The following KIF13B variants were observed in gnomAD, a reference collection of about 807,000 sequenced individuals.
KIF13B encodes kinesin family member 13B, also known as kinesin-like protein KIF13B.
In KIF13B, 127 loss-of-function variants were observed where a neutral mutation model predicts 222.0. The ratio of observed to expected loss-of-function variants is 0.57; its 90% CI spans 0.50 to 0.66. The LOEUF (loss-of-function observed/expected upper bound fraction) is 0.66, where lower values mean the gene tolerates loss of function less well. KIF13B is among the 30% of genes least tolerant of loss of function. The probability of loss-of-function intolerance (pLI) is 0.00; values close to 1 mark genes in which losing one functional copy is unlikely to be tolerated. For missense variants in KIF13B, 2,173 were observed against 2,379.0 expected, an observed-to-expected ratio of 0.91 and a Z score of 1.80; for synonymous variants, 976 against 919.0, an observed-to-expected ratio of 1.06 and a Z score of -1.12.
rs898779165 is a variant in KIF13B, at chr8:29,123,567, G to A, written c.3353-75C>T. The A allele has an allele frequency of 6.4e-6, 10 of 1,567,908 alleles. No homozygotes were observed. The South Asian group carries it at 6.7e-5, about 11-fold the overall frequency. On this transcript the variant is annotated intron_variant, in intron 27 of 39. Transcript: ENST00000524189. The stretch of plus-strand genomic sequence containing the variant: ...ATCTTTTTGTCCTGAGTAAAGACTG[G>A]ATTTGCCTATATTTCAATTATTAGC...
intron 37 of KIF13B, among the ~76,000 whole-genome samples, chr8:29,089,614 C>T (rs1244635384): frequency 6.6e-6 from 1 of 151,966 alleles, no homozygotes; most frequent in Non-Finnish European, 1.5e-5. Context: ...CAGAAATGGG[C>T]CAGGTGTGGT....
intron 2 of KIF13B, among the ~76,000 whole-genome samples, chr8:29,223,923 C>T (rs1814887834): frequency 6.6e-6 from 1 of 151,600 alleles, no homozygotes; most frequent in Non-Finnish European, 1.5e-5. Context: ...GATCTCCTGA[C>T]CTTGTGATCC....
At chr8:29,213,630 C>T (rs900682543) in intron 2 of KIF13B, among the ~76,000 whole-genome samples, 7 of 152,112 alleles carry the variant, frequency 4.6e-5, no homozygotes, top group Admixed American at 3.3e-4. Flanking sequence ...AACTGTAACA[C>T]AATAGTAGGC....
At chr8:29,081,024 G>T (rs1429674855) in intron 37 of KIF13B, among the ~76,000 whole-genome samples, 1 of 152,228 alleles carries the variant, frequency 6.6e-6, no homozygotes, top group Non-Finnish European at 1.5e-5. Context: ...CCTTGCAGCT[G>T]CCAGGGTTTC....
intron 12 of KIF13B, among the ~76,000 whole-genome samples, chr8:29,164,398 C>T (rs977570882): frequency 2.6e-5 from 4 of 152,170 alleles, no homozygotes; most frequent in Non-Finnish European, 4.4e-5. Flanking sequence ...AGAGAGATGA[C>T]TTTAAATAGA....
rs1809997840 is a variant in KIF13B at position 29,124,048 on chromosome 8, A to G, written c.3328T>C (p.Leu1110=). The G allele has an allele frequency of 2.5e-6, 4 of 1,611,542 alleles. No homozygotes were observed. The highest frequency in any genetic ancestry group is 3.4e-6 in the Non-Finnish European group (4 of 1,177,958). Residue 1110 remains leucine (L), a synonymous_variant, in exon 27 of 40, where the codon TTG becomes CTG. Coordinates refer to ENST00000524189, the MANE Select transcript of KIF13B (RefSeq NM_015254.4). The part of the protein sequence containing the change: ...TKRQEYLDQQ[L]QKLVSKRDKT... ...CCACGTTTACTGACAAGCTTTTGCA[A>G]TTGTTGATCCAAGTACTCCTGACGT...
intron 29 of KIF13B, among the ~76,000 whole-genome samples, chr8:29,121,921 C>T (rs536362854): frequency 6.9e-4 from 105 of 152,202 alleles, no homozygotes; most frequent in Admixed American, 1.2e-3. Flanking sequence ...ATAAGTATCG[C>T]TAGTTATTTG....
chr8:29,175,925 T>C (rs1643566315), intron 10 of KIF13B, 143 bp downstream of exon 10: 1 of 645,404 alleles, frequency 1.5e-6, no homozygotes, highest in Non-Finnish European at 2.7e-6. Context: ...ATCAAAAATG[T>C]CATTACCATA....
At position 29,261,422 on chromosome 8, in the gene KIF13B, G is replaced by A. The variant is rs140432859; in HGVS notation, c.55+1558C>T. ...TCTGAGATGTCTTTTGTGGTGGTTGGTTAGCGGCCTCTTTTTAGCACTGAC... is the reference window on the plus strand; with the variant it reads ...TCTGAGATGTCTTTTGTGGTGGTTGATTAGCGGCCTCTTTTTAGCACTGAC... On this transcript the variant is annotated intron_variant, in intron 1 of 39. Coordinates refer to ENST00000524189, the MANE Select transcript of KIF13B (RefSeq NM_015254.4). Among the ~76,000 whole-genome samples the A allele has an allele frequency of 4.9e-3, 743 of 152,306 alleles. 2 individuals are homozygous for A. The highest frequency in any genetic ancestry group is 8.6e-3 in the Non-Finnish European group (588 of 68,024).
At chr8:29,131,250 A>G (rs1291429123) in intron 23 of KIF13B, among the ~76,000 whole-genome samples, 1 of 151,852 alleles carries the variant, frequency 6.6e-6, no homozygotes, top group African/African-American at 2.4e-5. Flanking sequence ...GACAGGATCA[A>G]TCACACCCCA....
intron 32 of KIF13B, among the ~76,000 whole-genome samples, chr8:29,112,066 C>T (rs1291219305): frequency 2.0e-5 from 3 of 152,336 alleles, no homozygotes; most frequent in Non-Finnish European, 4.4e-5. Context: ...GAACTAGTTA[C>T]TATCCAACAT....
intron 26 of KIF13B, among the ~76,000 whole-genome samples, chr8:29,124,654 C>T (rs1810028683): frequency 6.6e-6 from 1 of 152,066 alleles, no homozygotes; most frequent in African/African-American, 2.4e-5. Flanking sequence ...GAGGTCAAGG[C>T]AGGCAGATAA....
intron 12 of KIF13B, among the ~76,000 whole-genome samples, 169 bp from the exon 13 acceptor site, chr8:29,161,036 ATTTT>A (rs577414270): frequency 6.6e-6 from 1 of 152,136 alleles, no homozygotes; most frequent in Admixed American, 6.5e-5. Context: ...AAACTATATG[ATTTT>A]TTTGTTAATT....
chr8:29,123,579 T>A lies in KIF13B; in HGVS notation c.3353-87A>T. ...TGAGTAAAGACTGGATTTGCCTATA[T>A]TTCAATTATTAGCTCACAAGTGCTC... On this transcript the variant is annotated intron_variant, in intron 27 of 39. Transcript: ENST00000524189. 3 of 1,530,408 alleles carry A rather than the reference T, an allele frequency of 2.0e-6. No individual in the cohort carries two copies. The East Asian group carries it at 6.8e-5, about 34-fold the overall frequency. The allele number at this position is 1,530,408 out of a possible 1,614,324, so 94.8% of individuals were successfully genotyped here.
intron 10 of KIF13B, among the ~76,000 whole-genome samples, chr8:29,174,204 A>G (rs1006670501): frequency 1.8e-4 from 27 of 152,260 alleles, no homozygotes; most frequent in African/African-American, 6.5e-4. Context: ...TTTGATCTCT[A>G]GACTTAATAT....
intron 31 of KIF13B, among the ~76,000 whole-genome samples, chr8:29,114,967 CAG>C (rs1563713349): frequency 6.6e-6 from 1 of 152,156 alleles, no homozygotes; most frequent in African/African-American, 2.4e-5. Context: ...AAAAGGAAGA[CAG>C]AGAGAGTGAA....
chr8:29,193,366 G>A (rs1364503123), intron 3 of KIF13B, among the ~76,000 whole-genome samples: 2 of 150,396 alleles, frequency 1.3e-5, no homozygotes, highest in African/African-American at 2.4e-5. Flanking sequence ...CAAAGGACTG[G>A]GCATCAAACT....
chr8:29,182,690 A>C (rs1312618310), intron 6 of KIF13B, among the ~76,000 whole-genome samples: 1 of 152,050 alleles, frequency 6.6e-6, no homozygotes. Flanking sequence ...TAGCATACTT[A>C]ATAATATAAA....
intron 19 of KIF13B, among the ~76,000 whole-genome samples, chr8:29,141,020 T>G (rs991876841): frequency 2.6e-5 from 4 of 152,330 alleles, no homozygotes; most frequent in African/African-American, 9.6e-5. Flanking sequence ...GCTCTGCTTA[T>G]TCCTAGCAAG....
Sources: gnomAD v4.1 joint callset for allele counts (sites outside exome capture counted in the v4.1 genomes callset) on GRCh38, gnomAD v4.1.1 for gene constraint, MANE v1.5 for transcripts, NCBI Gene and HGNC (gene_info 2026-07-23, HGNC 2026-07-21) for gene names.